The following DYRK4 variants were observed in gnomAD, a reference collection of about 807,000 sequenced individuals.
The protein encoded by DYRK4 is dual specificity tyrosine phosphorylation regulated kinase 4, also known as dual specificity tyrosine-phosphorylation-regulated kinase 4.
A neutral mutation model predicts 68.3 loss-of-function variants in DYRK4; 64 were observed. That is an observed-to-expected ratio of 0.94 (90% CI 0.77 to 1.15). The LOEUF is 1.15. Ranked by LOEUF, DYRK4 falls within the 50% of genes most tolerant of loss-of-function variation. The pLI is 0.00. For missense variants in DYRK4, 740 were observed against 764.7 expected, an observed-to-expected ratio of 0.97 and a Z score of 0.38; for synonymous variants, 274 against 289.9, an observed-to-expected ratio of 0.95 and a Z score of 0.56.
intron 1 of DYRK4, among the ~76,000 whole-genome samples, chr12:4,562,719 T>G (rs542926761): frequency 1.2e-4 from 18 of 152,358 alleles, no homozygotes; most frequent in African/African-American, 3.4e-4. Flanking sequence ...CTCGCGTGGA[T>G]GAGGCTCTGG....
chr12:4,590,775 G>T (rs7300543), intron 4 of DYRK4: 211,893 of 381,854 alleles, frequency 0.55, 61,645 homozygotes, highest in African/African-American at 0.79. Flanking sequence ...TAAGATAATA[G>T]GTGCGAAGGT....
chr12:4,590,903 C>G, intron 4 of DYRK4: 1 of 481,466 alleles, frequency 2.1e-6, no homozygotes, highest in Non-Finnish European at 3.6e-6. Context: ...CCATCTCTTC[C>G]CATAGTGAGA....
At chr12:4,593,364 C>G (rs935077892) in intron 6 of DYRK4, among the ~76,000 whole-genome samples, 199 bp downstream of exon 6, 10 of 152,276 alleles carry the variant, frequency 6.6e-5, no homozygotes, top group Middle Eastern at 3.4e-3. Context: ...ATGCAAAATA[C>G]TCTACTAATG....
At chr12:4,580,831 CA>C in intron 2 of DYRK4, 1 of 455,136 alleles carries the variant, frequency 2.2e-6, no homozygotes, top group South Asian at 1.6e-5. Context: ...CAGGAAGAGA[CA>C]AGGAGGAGTC....
intron 2 of DYRK4, among the ~76,000 whole-genome samples, chr12:4,580,441 C>T (rs934690598): frequency 6.6e-6 from 1 of 152,196 alleles, no homozygotes; most frequent in Non-Finnish European, 1.5e-5. Flanking sequence ...AGGGCAGACC[C>T]TTAGCTTCAA....
At chr12:4,603,336 C>A in intron 10 of DYRK4, 1 of 585,102 alleles carries the variant, frequency 1.7e-6, no homozygotes, top group Non-Finnish European at 3.0e-6. Context: ...TTTTCATTTT[C>A]ATTAGTTAAC....
chr12:4,584,586 T>G (rs1280206135), intron 2 of DYRK4, among the ~76,000 whole-genome samples: 1 of 142,816 alleles, frequency 7.0e-6, no homozygotes, highest in Non-Finnish European at 1.5e-5. Context: ...GGCAGAGTCT[T>G]GCTCTGTCGC....
intron 2 of DYRK4, among the ~76,000 whole-genome samples, chr12:4,586,598 T>G (rs1944898955): frequency 6.6e-6 from 1 of 152,078 alleles, no homozygotes; most frequent in Non-Finnish European, 1.5e-5. Context: ...CATAAACTTG[T>G]GTGACCTGTG....
At chr12:4,610,034 C>T in intron 12 of DYRK4, 121 bp from the exon 13 acceptor site, 2 of 694,384 alleles carry the variant, frequency 2.9e-6, no homozygotes, top group Non-Finnish European at 4.5e-6. Flanking sequence ...TGGGGTGTGG[C>T]ATGAGGCGAG....
intron 2 of DYRK4, among the ~76,000 whole-genome samples, chr12:4,583,945 C>T (rs1328529538): frequency 6.6e-6 from 1 of 152,172 alleles, no homozygotes; most frequent in African/African-American, 2.4e-5. Flanking sequence ...TGGGACCGCC[C>T]CGCCCGATGA....
chr12:4,588,745 G>T (rs2137358071), intron 2 of DYRK4, among the ~76,000 whole-genome samples, 192 bp from the exon 3 acceptor site: 1 of 152,320 alleles, frequency 6.6e-6, no homozygotes, highest in South Asian at 2.1e-4. Context: ...CTTTGGGAAA[G>T]ATCATTTGTT....
chr12:4,584,858 A>T (rs1228561875), intron 2 of DYRK4, among the ~76,000 whole-genome samples: 1 of 152,068 alleles, frequency 6.6e-6, no homozygotes, highest in Non-Finnish European at 1.5e-5. Context: ...CCTGGCCTCT[A>T]ATCAGCTTTT....
intron 8 of DYRK4, 126 bp from the exon 9 acceptor site, chr12:4,598,902 G>A: frequency 1.9e-6 from 2 of 1,064,458 alleles, no homozygotes; most frequent in South Asian, 1.5e-5. Context: ...TGAAAGCCTT[G>A]CCTCCTGGCC....
intron 10 of DYRK4, among the ~76,000 whole-genome samples, 174 bp downstream of exon 10, chr12:4,599,962 G>C (rs1015212857): frequency 6.6e-6 from 1 of 152,204 alleles, no homozygotes; most frequent in Non-Finnish European, 1.5e-5. Context: ...ATTTGAGAAA[G>C]TTGTATCCAA....
Position 4,596,658 on chromosome 12 carries a change from C to T in DYRK4, c.834C>T (p.Thr278=). The T allele has an allele frequency of 1.9e-6, 3 of 1,614,210 alleles. No homozygotes were observed. The highest frequency in any genetic ancestry group is 2.5e-6 in the Non-Finnish European group (3 of 1,180,036). ...EALRKKDKDN[T]YNVVHMKDFF... ...TCAGAAAGAAGGACAAAGACAACAC[C>T]TACAATGTGGTGCATATGAAGGACT... The change falls in exon 8 of 15, where the codon ACC becomes ACT. Residue 278 remains threonine (T), a synonymous_variant. Coordinates refer to ENST00000543431, the MANE Select transcript of DYRK4 (RefSeq NM_001394779.1).
At chr12:4,603,172 G>T in intron 10 of DYRK4, 1 of 1,293,220 alleles carries the variant, frequency 7.7e-7, no homozygotes, top group Non-Finnish European at 1.1e-6. Context: ...GTACCGAAAT[G>T]AAGTCATTTC....
chr12:4,582,867 C>T (rs1483026001), intron 2 of DYRK4, among the ~76,000 whole-genome samples: 3 of 152,182 alleles, frequency 2.0e-5, no homozygotes, highest in South Asian at 2.1e-4. Flanking sequence ...GCTTTGTGAG[C>T]CAGGACTTCT....
chr12:4,566,898 A>G (rs987482294), intron 1 of DYRK4, among the ~76,000 whole-genome samples: 1 of 152,256 alleles, frequency 6.6e-6, no homozygotes, highest in Non-Finnish European at 1.5e-5. Flanking sequence ...AGATCTTTCA[A>G]TATGCCTGTA....
chr12:4,604,780 C>G lies in DYRK4; in HGVS notation c.1127-134C>G, dbSNP rs2286577. On this transcript the variant is annotated intron_variant, in intron 10 of 14. Transcript: ENST00000543431. Reference sequence around the variant, plus strand: ...ATGCTGTGATGGTGTAATGGGAGTTCTAAGTGCTGGCCAGCTGCACTTCCC... The same window carrying G: ...ATGCTGTGATGGTGTAATGGGAGTTGTAAGTGCTGGCCAGCTGCACTTCCC... 4,220 of 1,093,990 alleles carry G rather than the reference C, an allele frequency of 3.9e-3. 166 individuals carry two copies. In the East Asian group the frequency reaches 0.084, roughly 22 times the overall value. 67.8% of individuals were successfully genotyped at this position (1,093,990 alleles called of 1,614,324 possible). A position where few individuals can be genotyped will look rare whatever the true frequency, so the allele number is the denominator to read the frequency against.
Sources: allele counts gnomAD v4.1 joint callset (sites outside exome capture counted in the v4.1 genomes callset), GRCh38; gene constraint gnomAD v4.1.1; transcripts MANE v1.5; gene names NCBI Gene and HGNC (gene_info 2026-07-23, HGNC 2026-07-21).